TUBA8: variants seen among roughly 807,000 people sequenced by gnomAD.
The protein encoded by TUBA8 is tubulin alpha-8 chain.
In TUBA8, 29 loss-of-function variants were observed where a neutral mutation model predicts 34.7. That is an observed-to-expected ratio of 0.84 (90% confidence interval 0.62 to 1.14). The LOEUF is 1.14. Among genes scored for constraint, TUBA8 ranks in the 50% most tolerant of loss-of-function variants. TUBA8 has a pLI of 0.00. For missense variants in TUBA8, 541 were observed against 599.2 expected (o/e 0.90, Z 1.01); for synonymous variants, 226 against 231.2 (o/e 0.98, Z 0.21).
In TUBA8 at chr22:18,124,176, T is replaced by C; in HGVS notation, c.247T>C (p.Tyr83His). The change falls in exon 3 of 5, where the codon TAC becomes CAC. Residue 83 changes from tyrosine (Y) to histidine (H), a missense_variant. By Grantham distance (83) the Tyr-to-His change is moderately conservative. Transcript: ENST00000330423. The surrounding 1 kb of genome is among the most constrained non-coding windows in gnomAD (Gnocchi z 4.3). Reference protein sequence around the residue: ...TVVDEVRAGTYRQLFHPEQLI... With the variant: ...TVVDEVRAGTHRQLFHPEQLI... ...GGAAGATGAGGTTCGGGCAGGAACC[T>C]ACCGCCAGCTCTTCCATCCAGAGCA... is the stretch of plus-strand genomic sequence containing the variant. 1 of 1,614,198 alleles carries C rather than the reference T, an allele frequency of 6.2e-7. No homozygotes were observed. The highest frequency in any genetic ancestry group is 8.5e-7 in the Non-Finnish European group (1 of 1,180,028).
At chr22:18,116,861 G>A (rs1927992286) in intron 1 of TUBA8, 1 of 152,274 alleles carries the variant, frequency 6.6e-6, no homozygotes, top group East Asian at 1.9e-4. Context: ...CTAGGAGCAG[G>A]TGCAAGAGGC....
chr22:18,116,309 A>C (rs887970248), intron 1 of TUBA8: 3 of 152,238 alleles, frequency 2.0e-5, no homozygotes, highest in Non-Finnish European at 4.4e-5. Flanking sequence ...GCATTGGCGC[A>C]GATGTGGGCA....
rs1288158231 is a variant in TUBA8 at position 18,126,603 on chromosome 22, A to G, written c.625A>G (p.Ile209Val). The G allele has an allele frequency of 6.2e-7, 1 of 1,614,174 alleles. No individual in the cohort carries two copies. The highest frequency in any genetic ancestry group is 1.1e-5 in the South Asian group (1 of 91,068). The change falls in exon 4 of 5, where the codon ATC becomes GTC. Residue 209 changes from isoleucine to valine, a missense_variant. By Grantham distance (29) the Ile-to-Val change is conservative. Transcript: ENST00000330423. This position sits in a 1 kb window ranked among gnomAD's most constrained non-coding sequence, Gnocchi z 4.0. Reference protein sequence around the residue: ...DCAFMVDNEAIYDICRRNLDI... With the variant: ...DCAFMVDNEAVYDICRRNLDI... ...TGCTTTCATGGTGGACAACGAAGCC[A>G]TCTATGACATCTGCCGCAGGAACCT...
At chr22:18,113,850 G>A (rs1430345137) in intron 1 of TUBA8, 3 of 152,388 alleles carry the variant, frequency 2.0e-5, no homozygotes, top group African/African-American at 7.2e-5. Flanking sequence ...CTGGGGCAGA[G>A]CTGCTGGATT....
intron 4 of TUBA8, chr22:18,127,519 A>C (rs362185): frequency 0.44 from 65,982 of 149,764 alleles, 19,442 homozygotes; most frequent in African/African-American, 0.83. Context: ...TCAGCCTCCC[A>C]AGTAGCTGGG....
At chr22:18,125,944 C>T (rs1928301100) in intron 3 of TUBA8, 1 of 267,210 alleles carries the variant, frequency 3.7e-6, no homozygotes, top group Admixed American at 5.1e-5. Flanking sequence ...TTTCTGCAGC[C>T]ATGAGCTCCT....
At chr22:18,112,784 C>A (rs995484906) in intron 1 of TUBA8, 11 of 152,278 alleles carry the variant, frequency 7.2e-5, no homozygotes, top group African/African-American at 2.6e-4. Context: ...AACTTGTGTG[C>A]GTTGCACTGT....
chr22:18,117,737 T>C (rs1401998409), intron 1 of TUBA8: 1 of 135,470 alleles, frequency 7.4e-6, no homozygotes, highest in African/African-American at 2.9e-5. Context: ...ATCGCACCAC[T>C]GCACTCCAGT....
chr22:18,130,865 C>A lies in TUBA8; in HGVS notation c.1079C>A (p.Pro360Gln). Reference sequence around the variant, plus strand: ...CAGGTGGGCATCAACTACCAGCCCCCGACCGTGGTCCCCGGGGGAGACCTG... The same window carrying A: ...CAGGTGGGCATCAACTACCAGCCCCAGACCGTGGTCCCCGGGGGAGACCTG... ...GFKVGINYQP[P>Q]TVVPGGDLAK... The change falls in exon 5 of 5, where the codon CCG becomes CAG. Residue 360 changes from proline to glutamine, a missense_variant. Physicochemically the swap from Pro to Gln is moderately conservative, Grantham distance 76 (BLOSUM62 -1). Coordinates refer to ENST00000330423, the MANE Select transcript of TUBA8 (RefSeq NM_018943.3). The A allele has an allele frequency of 6.2e-7, 1 of 1,613,908 alleles. No homozygotes were observed. Among genetic ancestry groups the A allele is most frequent in the Non-Finnish European group, 8.5e-7 (1 of 1,179,996 alleles).
rs766213612 is a variant in TUBA8, at chr22:18,130,849, ATCAAC to A, written c.1065_1069del (p.Asn356ProfsTer63). 14 of 1,613,594 alleles carry A rather than the reference ATCAAC, an allele frequency of 8.7e-6. No homozygotes were observed. The East Asian group carries it at 3.1e-4, about 36-fold the overall frequency. On this transcript the variant is annotated frameshift_variant, in exon 5 of 5. Coordinates refer to ENST00000330423, the MANE Select transcript of TUBA8 (RefSeq NM_018943.3). LOFTEE classifies it high-confidence loss of function. ...CTCTTTCTGTGTCCCTCAGGTGGGC[ATCAAC>A]TACCAGCCCCCGACCGTGGTCCCCG...
intron 1 of TUBA8, chr22:18,120,349 A>G (rs1328979970): frequency 6.6e-6 from 1 of 152,084 alleles, no homozygotes; most frequent in Non-Finnish European, 1.5e-5. Context: ...ATGAGTACCC[A>G]TGTTTAGCTC....
At position 18,121,110 on chromosome 22, in the gene TUBA8, G is replaced by A. The variant is rs189962718; in HGVS notation, c.4-369G>A. ...GCTGTGAATGCTGCCTTGTGTGGGCGTAGGCTGAAGGAGAGTTTCTGCCAT... is the reference window on the plus strand; with the variant it reads ...GCTGTGAATGCTGCCTTGTGTGGGCATAGGCTGAAGGAGAGTTTCTGCCAT... On this transcript the variant is annotated intron_variant, in intron 1 of 4. Transcript: ENST00000330423. This position sits in a 1 kb window ranked among gnomAD's most constrained non-coding sequence, Gnocchi z 4.8. 3.6e-5 allele frequency: 11 copies of A among 305,348 alleles called. No individual in the cohort carries two copies. Among genetic ancestry groups the A allele is most frequent in the Non-Finnish European group, 5.7e-5 (9 of 156,920 alleles). The allele number at this position is 305,348 out of a possible 1,614,324, so 18.9% of individuals were successfully genotyped here. A position where few individuals can be genotyped will look rare whatever the true frequency, so the allele number is the denominator to read the frequency against.
Position 18,126,396 on chromosome 22 carries a change from A to G in TUBA8, c.418A>G (p.Ser140Gly). ...SGLQGFLIFH[S>G]FGGGTGSGFT... ...CCTGCAGGGCTTCCTGATTTTCCACAGTTTTGGTGGGGGCACTGGCTCCGG... is the reference window on the plus strand; with the variant it reads ...CCTGCAGGGCTTCCTGATTTTCCACGGTTTTGGTGGGGGCACTGGCTCCGG... The change falls in exon 4 of 5, where the codon AGT becomes GGT. Residue 140 changes from serine (S) to glycine (G), a missense_variant. By Grantham distance (56) the Ser-to-Gly change is moderately conservative (BLOSUM62 0). Coordinates refer to ENST00000330423, the MANE Select transcript of TUBA8 (RefSeq NM_018943.3). This position sits in a 1 kb window ranked among gnomAD's most constrained non-coding sequence, Gnocchi z 4.0. 4 of 1,613,908 alleles carry G rather than the reference A, an allele frequency of 2.5e-6. No homozygotes were observed. The highest frequency in any genetic ancestry group is 3.4e-6 in the Non-Finnish European group (4 of 1,179,988).
Position 18,119,764 on chromosome 22 carries a change from C to G in TUBA8, c.4-1715C>G, listed in dbSNP as rs1282158148. 1.3e-5 allele frequency: 2 copies of G among 152,328 alleles called. No homozygotes were observed. Among genetic ancestry groups the G allele is most frequent in the Admixed American group, 1.3e-4 (2 of 15,278 alleles). The allele number at this position is 152,328 out of a possible 1,614,324, so 9.4% of individuals were successfully genotyped here. On this transcript the variant is annotated intron_variant, in intron 1 of 4. Transcript: ENST00000330423. This position sits in a 1 kb window ranked among gnomAD's most constrained non-coding sequence, Gnocchi z 5.9. ...CCTGATGCTCTGACCCCGCAAGATGCTACTCAGGGCAGCTGCCCTGCTCTC... is the reference window on the plus strand; with the variant it reads ...CCTGATGCTCTGACCCCGCAAGATGGTACTCAGGGCAGCTGCCCTGCTCTC...
Position 18,111,181 on chromosome 22 carries a change from A to C in TUBA8, c.3+313A>C, listed in dbSNP as rs115025493. The C allele has an allele frequency of 2.2e-3, 1,212 of 541,900 alleles. 17 individuals carry two copies. The highest frequency in any genetic ancestry group is 0.021 in the African/African-American group (1,065 of 51,820). 33.6% of individuals were successfully genotyped at this position (541,900 alleles called of 1,614,324 possible). A position where few individuals can be genotyped will look rare whatever the true frequency, so the allele number is the denominator to read the frequency against. On this transcript the variant is annotated intron_variant, in intron 1 of 4. Coordinates refer to ENST00000330423, the MANE Select transcript of TUBA8 (RefSeq NM_018943.3). This position sits in a 1 kb window ranked among gnomAD's most constrained non-coding sequence, Gnocchi z 5.1. ...GGGGGCGAGATTCTGGGGTCCCCAGATGGGCAGCCTGTGGACAGAGTGGAG... is the reference window on the plus strand; with the variant it reads ...GGGGGCGAGATTCTGGGGTCCCCAGCTGGGCAGCCTGTGGACAGAGTGGAG...
At chr22:18,116,451 A>C (rs150534273) in intron 1 of TUBA8, 73 of 152,324 alleles carry the variant, frequency 4.8e-4, no homozygotes, top group African/African-American at 1.7e-3. Context: ...GTGCTGTGAC[A>C]TACTGAATTT....
At position 18,111,308 on chromosome 22, in the gene TUBA8, C is replaced by T. The variant is rs1927800993; in HGVS notation, c.3+440C>T. 1 of 201,572 alleles carries T rather than the reference C, an allele frequency of 5.0e-6. No homozygotes were observed. The highest frequency in any genetic ancestry group is 1.1e-4 in the South Asian group (1 of 8,960). 12.5% of individuals were successfully genotyped at this position (201,572 alleles called of 1,614,324 possible). On this transcript the variant is annotated intron_variant, in intron 1 of 4. Coordinates refer to ENST00000330423, the MANE Select transcript of TUBA8 (RefSeq NM_018943.3). The surrounding 1 kb of genome is among the most constrained non-coding windows in gnomAD (Gnocchi z 5.1). ...GAACCCAGCCTAATGTGACAGGGCC[C>T]GGAATGTGACAGAGGACCTAGGGCG...
chr22:18,123,583 TTTTGGAGATGGAGCCTCGCTCTGTC>T (rs1393937213), intron 2 of TUBA8: 1 of 155,574 alleles, frequency 6.4e-6, no homozygotes, highest in African/African-American at 2.5e-5. Flanking sequence ...GTTGTGTTTT[TTTTGGAGATGGAGCCTCGCTCTGTC>T]TTGTTGCCCA....
At position 18,131,570 on chromosome 22, in the gene TUBA8, C is replaced by A; in HGVS notation, c.*434C>A. The A allele has an allele frequency of 3.9e-6, 1 of 258,666 alleles. No homozygotes were observed. The highest frequency in any genetic ancestry group is 7.6e-6 in the Non-Finnish European group (1 of 132,216). 16.0% of individuals were successfully genotyped at this position (258,666 alleles called of 1,614,324 possible). On this transcript the variant is annotated 3_prime_UTR_variant, in exon 5 of 5. Coordinates refer to ENST00000330423, the MANE Select transcript of TUBA8 (RefSeq NM_018943.3). This position sits in a 1 kb window ranked among gnomAD's most constrained non-coding sequence, Gnocchi z 5.3. Reference sequence around the variant, plus strand: ...ACGTTCACATGAGTGGGTCTATAGCCCGCTCCGGGCATCATCTAGACTTAG... The same window carrying A: ...ACGTTCACATGAGTGGGTCTATAGCACGCTCCGGGCATCATCTAGACTTAG...
Sources: allele counts gnomAD v4.1 joint callset, GRCh38; gene constraint gnomAD v4.1.1; non-coding constraint Gnocchi (gnomAD v3.1); transcripts MANE v1.5; gene names NCBI Gene and HGNC (gene_info 2026-07-23, HGNC 2026-07-21).